IQCM: variants seen among roughly 807,000 people sequenced by gnomAD.
The protein encoded by IQCM is IQ domain-containing protein M.
Under a neutral mutation model 57.6 loss-of-function variants are expected in IQCM, and 45 were observed. That is an observed-to-expected ratio of 0.78 (90% confidence interval 0.62 to 1.00). The LOEUF (loss-of-function observed/expected upper bound fraction) is 1.00, where lower values mean the gene tolerates loss of function less well. Ranked by LOEUF, IQCM falls within the 50% of genes least tolerant of loss-of-function variation. The probability of loss-of-function intolerance (pLI) is 0.00; values close to 1 mark genes in which losing one functional copy is unlikely to be tolerated. For missense variants in IQCM, 468 were observed against 511.6 expected (o/e 0.91, Z 0.82); for synonymous variants, 148 against 158.9 (o/e 0.93, Z 0.51).
intron 3 of IQCM, among the ~76,000 whole-genome samples, chr4:149,737,439 ATGGTAAGAACT>A (rs1460420083): frequency 1.3e-5 from 2 of 152,210 alleles, no homozygotes; most frequent in African/African-American, 4.8e-5. Flanking sequence ...TAAAATATTA[ATGGTAAGAACT>A]TGGTAGTAAG....
intron 12 of IQCM, among the ~76,000 whole-genome samples, chr4:149,544,557 A>G (rs1748187322): frequency 6.6e-6 from 1 of 152,190 alleles, no homozygotes; most frequent in Non-Finnish European, 1.5e-5. Flanking sequence ...CCTAAATTAC[A>G]TGAAACTATA....
chr4:149,392,407 C>T (rs1731925844), intron 13 of IQCM, among the ~76,000 whole-genome samples: 1 of 151,946 alleles, frequency 6.6e-6, no homozygotes, highest in South Asian at 2.1e-4. Context: ...GTAAACAGAA[C>T]TACCATCATC....
chr4:149,492,062 A>G (rs1742152135), intron 12 of IQCM, among the ~76,000 whole-genome samples: 1 of 151,994 alleles, frequency 6.6e-6, no homozygotes, highest in South Asian at 2.1e-4. Flanking sequence ...TTCTTTTGAG[A>G]AATGTCTATT....
At chr4:149,810,020 A>G (rs1305080752) in intron 2 of IQCM, among the ~76,000 whole-genome samples, 1 of 137,566 alleles carries the variant, frequency 7.3e-6, no homozygotes, top group Non-Finnish European at 1.5e-5. Flanking sequence ...AGATATACAG[A>G]TATATATCTT....
intron 12 of IQCM, among the ~76,000 whole-genome samples, chr4:149,508,622 A>G (rs1744078797): frequency 6.6e-6 from 1 of 152,180 alleles, no homozygotes. Flanking sequence ...GAAATAACTA[A>G]CTTGTGTTTG....
At chr4:149,630,176 T>C in intron 7 of IQCM, among the ~76,000 whole-genome samples, 1 of 152,206 alleles carries the variant, frequency 6.6e-6, no homozygotes, top group East Asian at 1.9e-4. Context: ...AAAGATTGAC[T>C]TTTGCAATGC....
chr4:149,699,252 A>T (rs1054780334), intron 5 of IQCM, among the ~76,000 whole-genome samples: 1 of 152,080 alleles, frequency 6.6e-6, no homozygotes, highest in African/African-American at 2.4e-5. Flanking sequence ...GTCAGTTATA[A>T]GATACAAAAG....
intron 8 of IQCM, among the ~76,000 whole-genome samples, chr4:149,597,286 G>C (rs550738924): frequency 6.6e-6 from 1 of 152,138 alleles, no homozygotes; most frequent in African/African-American, 2.4e-5. Context: ...AGAAAGAGAT[G>C]GCAAATATTA....
In IQCM at chr4:149,813,349, A is replaced by T. The variant is rs1410998664; in HGVS notation, c.-49+1962T>A. 2.0e-5 allele frequency among the ~76,000 whole-genome samples: 3 copies of T among 152,090 alleles called. No homozygotes were observed. In the East Asian group the frequency reaches 5.8e-4, roughly 29 times the overall value. ...AATGTATCTAATGCATCTTTTTTTT[A>T]AAAGACATGAACCCACAAGAATGGG... On this transcript the variant is annotated intron_variant, in intron 2 of 13. Transcript: ENST00000636793.
chr4:149,778,434 A>C (rs2150003726), intron 2 of IQCM, among the ~76,000 whole-genome samples: 1 of 152,288 alleles, frequency 6.6e-6, no homozygotes, highest in Non-Finnish European at 1.5e-5. Flanking sequence ...CAACAAAGCT[A>C]AAGCAGTAGT....
chr4:149,685,719 G>A (rs962077121), intron 6 of IQCM, among the ~76,000 whole-genome samples: 1 of 151,536 alleles, frequency 6.6e-6, no homozygotes, highest in African/African-American at 2.4e-5. Flanking sequence ...TATTTTAGCA[G>A]AGAAGTATTT....
At chr4:149,377,371 C>T (rs1730771475) in intron 13 of IQCM, among the ~76,000 whole-genome samples, 1 of 152,150 alleles carries the variant, frequency 6.6e-6, no homozygotes, top group South Asian at 2.1e-4. Flanking sequence ...TGGCTGCTTC[C>T]TATCTTTCCA....
chr4:149,589,561 G>A (rs184122213), intron 8 of IQCM, among the ~76,000 whole-genome samples: 1 of 152,030 alleles, frequency 6.6e-6, no homozygotes, highest in East Asian at 1.9e-4. Context: ...GCTTCATTCT[G>A]ACTTATGCTG....
chr4:149,379,659 C>T (rs950417670), intron 13 of IQCM, among the ~76,000 whole-genome samples: 1 of 152,198 alleles, frequency 6.6e-6, no homozygotes, highest in Non-Finnish European at 1.5e-5. Context: ...TTTGATCTTA[C>T]AGGCTCACAG....
At chr4:149,578,907 G>C (rs538728929) in intron 9 of IQCM, among the ~76,000 whole-genome samples, 1 of 151,936 alleles carries the variant, frequency 6.6e-6, no homozygotes, top group African/African-American at 2.4e-5. Context: ...ACCTGGATTA[G>C]AGAGAGATGG....
intron 12 of IQCM, among the ~76,000 whole-genome samples, chr4:149,546,279 C>T (rs926676317): frequency 6.6e-5 from 10 of 152,148 alleles, no homozygotes; most frequent in Admixed American, 4.6e-4. Context: ...AATAAACATA[C>T]ATGTGCATGT....
intron 13 of IQCM, among the ~76,000 whole-genome samples, chr4:149,399,522 G>A (rs1429901756): frequency 6.6e-6 from 1 of 151,954 alleles, no homozygotes; most frequent in Admixed American, 6.6e-5. Context: ...GCCTCAAATA[G>A]CAACAAAAAT....
chr4:149,532,670 C>T (rs1746872371), intron 12 of IQCM, among the ~76,000 whole-genome samples: 1 of 152,044 alleles, frequency 6.6e-6, no homozygotes, highest in South Asian at 2.1e-4. Context: ...TTTCATGTTT[C>T]TTAGCTTAGT....
intron 2 of IQCM, among the ~76,000 whole-genome samples, chr4:149,782,789 T>C (rs541978720): frequency 6.6e-6 from 1 of 152,170 alleles, no homozygotes; most frequent in Non-Finnish European, 1.5e-5. Context: ...GTCTAATTAG[T>C]GATACAGAAG....
Sources: allele counts gnomAD v4.1 joint callset (sites outside exome capture counted in the v4.1 genomes callset), GRCh38; gene constraint gnomAD v4.1.1; transcripts MANE v1.5; gene names NCBI Gene and HGNC (gene_info 2026-07-23, HGNC 2026-07-21).